LRRC8C: variants seen among roughly 807,000 people sequenced by gnomAD.
The protein encoded by LRRC8C is volume-regulated anion channel subunit LRRC8C.
A neutral mutation model predicts 55.3 loss-of-function variants in LRRC8C; 20 were observed. The ratio of observed to expected loss-of-function variants is 0.36; its 90% CI spans 0.25 to 0.53. LRRC8C has a LOEUF of 0.53. Ranked by LOEUF, LRRC8C falls within the 20% of genes least tolerant of loss-of-function variation. The probability of loss-of-function intolerance (pLI) is 0.92; values close to 1 mark genes in which losing one functional copy is unlikely to be tolerated. For missense variants in LRRC8C, 659 were observed against 951.4 expected, an observed-to-expected ratio of 0.69 and a Z score of 4.04; for synonymous variants, 376 against 360.7, an observed-to-expected ratio of 1.04 and a Z score of -0.48.
chr1:89,711,360 A>C (rs571873037), intron 2 of LRRC8C, among the ~76,000 whole-genome samples: 4 of 152,380 alleles, frequency 2.6e-5, no homozygotes, highest in African/African-American at 7.2e-5. Flanking sequence ...CAACGGGTTC[A>C]GTTTCTATGC....
intron 1 of LRRC8C, among the ~76,000 whole-genome samples, chr1:89,670,941 C>A (rs1391166337): frequency 6.6e-6 from 1 of 152,206 alleles, no homozygotes; most frequent in African/African-American, 2.4e-5. Flanking sequence ...CTGGCTTATG[C>A]AAGCCCCTTG....
At position 89,717,806 on chromosome 1, in the gene LRRC8C, A is replaced by G. The variant is rs1658868653; in HGVS notation, c.*2824A>G. On this transcript the variant is annotated 3_prime_UTR_variant, in exon 3 of 3. Transcript: ENST00000370454. Reference sequence around the variant, plus strand: ...ATCTAACCACTTTCCGTATTTTACAAGTGCTCTTTCTAAAAAGGAATAACT... The same window carrying G: ...ATCTAACCACTTTCCGTATTTTACAGGTGCTCTTTCTAAAAAGGAATAACT... The G allele has an allele frequency of 6.6e-6, 1 of 152,342 alleles. No individual in the cohort carries two copies. Among genetic ancestry groups the G allele is most frequent in the Middle Eastern group, 3.4e-3 (1 of 294 alleles). The allele number at this position is 152,342 out of a possible 1,614,324, so 9.4% of individuals were successfully genotyped here. A position where few individuals can be genotyped will look rare whatever the true frequency, so the allele number is the denominator to read the frequency against.
intron 1 of LRRC8C, among the ~76,000 whole-genome samples, chr1:89,651,979 C>G (rs1656798505): frequency 6.6e-6 from 1 of 152,188 alleles, no homozygotes. Context: ...TTGTCAGGAA[C>G]ACTCATTTCT....
At chr1:89,649,442 G>T (rs2101193159) in intron 1 of LRRC8C, among the ~76,000 whole-genome samples, 1 of 152,266 alleles carries the variant, frequency 6.6e-6, no homozygotes, top group South Asian at 2.1e-4. Context: ...CTTATCCCTA[G>T]TGATCTGTAC....
intron 1 of LRRC8C, among the ~76,000 whole-genome samples, chr1:89,666,085 C>G (rs773674843): frequency 6.6e-6 from 1 of 152,112 alleles, no homozygotes; most frequent in East Asian, 1.9e-4. Flanking sequence ...GACATCCACA[C>G]GACAAAATTG....
intron 1 of LRRC8C, among the ~76,000 whole-genome samples, chr1:89,663,155 GC>G (rs1322002430): frequency 6.6e-6 from 1 of 152,140 alleles, no homozygotes; most frequent in Non-Finnish European, 1.5e-5. Flanking sequence ...CATGAACTCA[GC>G]CTTTTTTATG....
At chr1:89,678,983 T>G (rs942483335) in intron 1 of LRRC8C, among the ~76,000 whole-genome samples, 1 of 152,282 alleles carries the variant, frequency 6.6e-6, no homozygotes, top group Admixed American at 6.5e-5. Flanking sequence ...GTGGGAACTC[T>G]GAGTCTGGAT....
chr1:89,714,906 G>A lies in LRRC8C; in HGVS notation c.2336G>A (p.Arg779Gln), dbSNP rs189327162. The A allele has an allele frequency of 3.7e-6, 6 of 1,613,890 alleles. No individual in the cohort carries two copies. The highest frequency in any genetic ancestry group is 2.2e-5 in the East Asian group (1 of 44,890). The change falls in exon 3 of 3, where the codon CGA becomes CAA. Residue 779 changes from arginine (R) to glutamine (Q), a missense_variant. Physicochemically the swap from Arg to Gln is conservative, Grantham distance 43. This residue lies in a region of LRRC8C where 344 missense variants were observed against 464.6 expected (regional missense o/e 0.74). Coordinates refer to ENST00000370454, the MANE Select transcript of LRRC8C (RefSeq NM_032270.5). This position sits in a 1 kb window ranked among gnomAD's most constrained non-coding sequence, Gnocchi z 4.6. ...PELGDCRALK[R>Q]AGLVVEDALF... Reference sequence around the variant, plus strand: ...CTGGGTGACTGTCGGGCTCTGAAGCGAGCTGGTTTAGTTGTAGAAGATGCT... The same window carrying A: ...CTGGGTGACTGTCGGGCTCTGAAGCAAGCTGGTTTAGTTGTAGAAGATGCT...
chr1:89,685,371 T>C (rs1657846300), intron 1 of LRRC8C, among the ~76,000 whole-genome samples: 1 of 151,466 alleles, frequency 6.6e-6, no homozygotes, highest in Non-Finnish European at 1.5e-5. Context: ...CGCCTCGGCC[T>C]CCCAAAGTGC....
intron 2 of LRRC8C, chr1:89,706,379 C>A (rs1373423359): frequency 2.2e-6 from 1 of 455,246 alleles, no homozygotes; most frequent in Admixed American, 2.4e-5. Context: ...AAATGTGGTA[C>A]CTTTTCAACT....
chr1:89,664,318 A>G (rs950070794), intron 1 of LRRC8C, among the ~76,000 whole-genome samples: 1 of 152,154 alleles, frequency 6.6e-6, no homozygotes, highest in Non-Finnish European at 1.5e-5. Flanking sequence ...TAATTTTTGT[A>G]TAATGTGTAA....
chr1:89,702,710 C>A (rs1000160331), intron 2 of LRRC8C, among the ~76,000 whole-genome samples: 1 of 152,136 alleles, frequency 6.6e-6, no homozygotes, highest in African/African-American at 2.4e-5. Context: ...CTACTGTGAG[C>A]CATGATCATG....
chr1:89,653,926 C>T (rs190837521), intron 1 of LRRC8C, among the ~76,000 whole-genome samples: 47 of 152,204 alleles, frequency 3.1e-4, no homozygotes, highest in African/African-American at 9.4e-4. Flanking sequence ...AAAAGCTACC[C>T]GCACTTGTAT....
rs551663745 is a variant in LRRC8C, at chr1:89,704,914, C to T, written c.139-7795C>T. Among the ~76,000 whole-genome samples, 438 of 152,072 alleles carry T rather than the reference C, an allele frequency of 2.9e-3. 2 individuals are homozygous for T. The highest frequency in any genetic ancestry group is 9.9e-3 in the African/African-American group (410 of 41,414). ...GAAATACCATTTGACCCAACCATCCCATTACTGGGTATATACCCAAAGGAC... is the reference window on the plus strand; with the variant it reads ...GAAATACCATTTGACCCAACCATCCTATTACTGGGTATATACCCAAAGGAC... On this transcript the variant is annotated intron_variant, in intron 2 of 2. Transcript: ENST00000370454.
intron 2 of LRRC8C, among the ~76,000 whole-genome samples, chr1:89,702,792 T>C (rs929623443): frequency 2.0e-5 from 3 of 152,076 alleles, no homozygotes; most frequent in African/African-American, 4.8e-5. Context: ...TAGGTAGATA[T>C]GACTTAAGAG....
chr1:89,687,035 AT>A (rs1447275002), intron 2 of LRRC8C, among the ~76,000 whole-genome samples: 1 of 152,156 alleles, frequency 6.6e-6, no homozygotes, highest in Non-Finnish European at 1.5e-5. Flanking sequence ...AGATATCATT[AT>A]TTTACTGAAT....
chr1:89,682,311 C>T lies in LRRC8C; in HGVS notation c.-4-4159C>T, dbSNP rs917955484. Among the ~76,000 whole-genome samples, 3 of 152,206 alleles carry T rather than the reference C, an allele frequency of 2.0e-5. No individual in the cohort carries two copies. The East Asian group carries it at 5.8e-4, about 29-fold the overall frequency. The stretch of plus-strand genomic sequence containing the variant: ...CAATATTAAGAAGCAGTAGATAATA[C>T]TTATATTTCTTAGATGCCTTAGTTT... On this transcript the variant is annotated intron_variant, in intron 1 of 2. Coordinates refer to ENST00000370454, the MANE Select transcript of LRRC8C (RefSeq NM_032270.5).
intron 2 of LRRC8C, among the ~76,000 whole-genome samples, chr1:89,701,463 AGAGT>A (rs1289928395): frequency 2.0e-5 from 3 of 149,716 alleles, no homozygotes; most frequent in African/African-American, 7.4e-5. Context: ...CCTGGGTGGC[AGAGT>A]GAGACTCCAT....
intron 2 of LRRC8C, among the ~76,000 whole-genome samples, chr1:89,694,568 G>GAC (rs952974647): frequency 6.8e-6 from 1 of 146,908 alleles, no homozygotes; most frequent in Non-Finnish European, 1.5e-5. Flanking sequence ...ACAGGTGCGT[G>GAC]ACACCATGCC....
Sources: gnomAD v4.1 joint callset for allele counts (sites outside exome capture counted in the v4.1 genomes callset) on GRCh38, gnomAD v4.1.1 for gene constraint, gnomAD v4.1.1 regional missense constraint, Gnocchi (gnomAD v3.1) non-coding constraint, MANE v1.5 for transcripts, NCBI Gene and HGNC (gene_info 2026-07-23, HGNC 2026-07-21) for gene names.